CALN1: variants seen among roughly 807,000 people sequenced by gnomAD.
CALN1 encodes the protein calcium-binding protein 8.
In CALN1, 17 loss-of-function variants were observed where a neutral mutation model predicts 30.6. The observed-to-expected ratio is 0.56, with a 90% CI of 0.38 to 0.83. The LOEUF (loss-of-function observed/expected upper bound fraction) is 0.83. CALN1 is among the 40% of genes least tolerant of loss of function. The pLI, the probability that CALN1 is intolerant of heterozygous loss-of-function variation, is 0.00. For missense variants in CALN1, 291 were observed against 354.9 expected, an observed-to-expected ratio of 0.82 and a Z score of 1.45; for synonymous variants, 156 against 131.4, an observed-to-expected ratio of 1.19 and a Z score of -1.28.
At chr7:72,210,830 C>T (rs1424004218) in intron 3 of CALN1, among the ~76,000 whole-genome samples, 2 of 151,798 alleles carry the variant, frequency 1.3e-5, no homozygotes, top group Non-Finnish European at 2.9e-5. Context: ...GTGGGAGGAT[C>T]CCTTGAGCCC....
At position 72,078,932 on chromosome 7, in the gene CALN1, A is replaced by C. The variant is rs553147000; in HGVS notation, c.388+27219T>G. Among the ~76,000 whole-genome samples, 24 of 152,346 alleles carry C rather than the reference A, an allele frequency of 1.6e-4. No homozygotes were observed. In the South Asian group the frequency reaches 5.0e-3, roughly 32 times the overall value. On this transcript the variant is annotated intron_variant, in intron 4 of 6. Transcript: ENST00000395275. ...TGATAGAGTGAGATTCCGTCTCAAA[A>C]AACAAAACAAACAAACAAACAAAAA...
At chr7:71,925,332 G>A (rs1457307006) in intron 5 of CALN1, among the ~76,000 whole-genome samples, 2 of 152,040 alleles carry the variant, frequency 1.3e-5, no homozygotes, top group Admixed American at 6.6e-5. Context: ...ATATTGATTT[G>A]CCTTTCAACT....
intron 3 of CALN1, among the ~76,000 whole-genome samples, chr7:72,177,919 C>T (rs1024251986): frequency 5.3e-5 from 8 of 152,046 alleles, no homozygotes; most frequent in African/African-American, 1.7e-4. Flanking sequence ...CGGTGCTGAT[C>T]CAGGGCAACA....
chr7:72,315,719 A>T (rs573335184), intron 2 of CALN1, among the ~76,000 whole-genome samples: 230 of 152,046 alleles, frequency 1.5e-3, no homozygotes, highest in Admixed American at 2.2e-3. Context: ...AAAAAAAAAA[A>T]TTTCAAAAAA....
chr7:72,281,386 A>G (rs536874003), intron 2 of CALN1, among the ~76,000 whole-genome samples: 2 of 152,328 alleles, frequency 1.3e-5, no homozygotes, highest in South Asian at 4.2e-4. Flanking sequence ...TCCATGGTCC[A>G]GAAAATGAGA....
chr7:71,841,221 T>C (rs898376270), intron 5 of CALN1, among the ~76,000 whole-genome samples: 7 of 152,316 alleles, frequency 4.6e-5, no homozygotes, highest in Middle Eastern at 3.4e-3. Context: ...GAAAGTAGAA[T>C]GCACGACCCT....
intron 2 of CALN1, among the ~76,000 whole-genome samples, chr7:72,332,261 A>G (rs1206806170): frequency 6.6e-6 from 1 of 152,196 alleles, no homozygotes; most frequent in Non-Finnish European, 1.5e-5. Flanking sequence ...GCAGTGCTGC[A>G]GTCATATTTA....
At chr7:72,205,551 A>AATATATACATATACATATATATATATAT (rs1554319584) in intron 3 of CALN1, among the ~76,000 whole-genome samples, 2 of 83,052 alleles carry the variant, frequency 2.4e-5, no homozygotes, top group East Asian at 1.7e-3. Flanking sequence ...GCAAAAAAAA[A>AATATATACATATACATATATATATATAT]ATATATATAT....
At chr7:72,103,740 C>A (rs965268304) in intron 4 of CALN1, among the ~76,000 whole-genome samples, 1 of 151,596 alleles carries the variant, frequency 6.6e-6, no homozygotes, top group Admixed American at 6.6e-5. Context: ...TTCTCTGAAG[C>A]TTTGGAGAAG....
chr7:72,483,706 T>C, the CALN1 span, among the ~76,000 whole-genome samples: 6 of 152,184 alleles, frequency 3.9e-5, no homozygotes, highest in Non-Finnish European at 8.8e-5. Context: ...TGCAATCCCT[T>C]CTCTCCTTTG....
rs143036285 is a variant in CALN1, at chr7:72,208,272, G to C, written c.244+70414C>G. 6.0e-3 allele frequency among the ~76,000 whole-genome samples: 911 copies of C among 152,270 alleles called. 10 individuals are homozygous for C. Among genetic ancestry groups the C allele is most frequent in the African/African-American group, 0.018 (769 of 41,568 alleles). ...TTCTTACGTTGAATAGGACTTACAA[G>C]AGAAAAGTTATTTTTAAGTTTACAC... is the stretch of plus-strand genomic sequence containing the variant. On this transcript the variant is annotated intron_variant, in intron 3 of 6. Coordinates refer to ENST00000395275, the MANE Select transcript of CALN1 (RefSeq NM_031468.4).
In CALN1 at chr7:71,892,362, C is replaced by T. The variant is rs189092234; in HGVS notation, c.502-81870G>A. 1.3e-3 allele frequency among the ~76,000 whole-genome samples: 195 copies of T among 152,256 alleles called. 6 individuals carry two copies. The East Asian group carries it at 0.03, about 23-fold the overall frequency. On this transcript the variant is annotated intron_variant, in intron 5 of 6. Transcript: ENST00000395275. Reference sequence around the variant, plus strand: ...CATAAAATAAAGATCCAGGGCCAGGCGCAGTGGCTCACGCCTGTAATCCCA... The same window carrying T: ...CATAAAATAAAGATCCAGGGCCAGGTGCAGTGGCTCACGCCTGTAATCCCA...
At chr7:71,803,425 T>G (rs1022756204) in intron 6 of CALN1, among the ~76,000 whole-genome samples, 18 of 152,130 alleles carry the variant, frequency 1.2e-4, no homozygotes, top group African/African-American at 4.3e-4. Flanking sequence ...GAATTCTATA[T>G]GCAATGTGAG....
At chr7:72,367,920 C>G (rs1429073437) in intron 2 of CALN1, among the ~76,000 whole-genome samples, 3 of 151,810 alleles carry the variant, frequency 2.0e-5, no homozygotes, top group Non-Finnish European at 4.4e-5. Flanking sequence ...GATCACCAGG[C>G]CAGGAGATTG....
upstream of CALN1, among the ~76,000 whole-genome samples, chr7:72,413,666 C>T (rs1807322419): frequency 6.6e-6 from 1 of 152,046 alleles, no homozygotes; most frequent in African/African-American, 2.4e-5. Context: ...GTTATGCACA[C>T]ACTCATACAC....
At position 72,203,979 on chromosome 7, in the gene CALN1, C is replaced by CTTTTTTTTT. The variant is rs869149598; in HGVS notation, c.244+74698_244+74706dup. The stretch of plus-strand genomic sequence containing the variant: ...TAGCCTTCATATAAGAGGCCTCTCT[C>CTTTTTTTTT]TTTTTTTTTTTTTTTTTTTTTTTTT... On this transcript the variant is annotated intron_variant, in intron 3 of 6. Coordinates refer to ENST00000395275, the MANE Select transcript of CALN1 (RefSeq NM_031468.4). Among the ~76,000 whole-genome samples the CTTTTTTTTT allele has an allele frequency of 1.9e-3, 162 of 83,784 alleles. 30 individuals are homozygous for CTTTTTTTTT. The highest frequency in any genetic ancestry group is 8.1e-3 in the African/African-American group (155 of 19,112). 55.0% of individuals were successfully genotyped at this position (83,784 alleles called of 152,430 possible).
intron 4 of CALN1, among the ~76,000 whole-genome samples, chr7:72,052,751 A>C (rs980613691): frequency 6.6e-6 from 1 of 152,208 alleles, no homozygotes; most frequent in African/African-American, 2.4e-5. Flanking sequence ...ACCCCGTCTC[A>C]GTGACCAGAG....
At chr7:71,913,399 C>A (rs896808229) in intron 5 of CALN1, among the ~76,000 whole-genome samples, 1 of 152,062 alleles carries the variant, frequency 6.6e-6, no homozygotes, top group South Asian at 2.1e-4. Flanking sequence ...GGGGCAGCAA[C>A]CCCTGAGGAT....
chr7:71,832,203 T>C (rs1789330610), intron 5 of CALN1, among the ~76,000 whole-genome samples: 1 of 152,170 alleles, frequency 6.6e-6, no homozygotes, highest in Non-Finnish European at 1.5e-5. Context: ...ACAGCTTCCA[T>C]CTGGCATTCA....
Sources: gnomAD v4.1 joint callset for allele counts (sites outside exome capture counted in the v4.1 genomes callset) on GRCh38, gnomAD v4.1.1 for gene constraint, MANE v1.5 for transcripts, NCBI Gene and HGNC (gene_info 2026-07-23, HGNC 2026-07-21) for gene names.